PXDN: variants seen among roughly 807,000 people sequenced by gnomAD.
PXDN encodes peroxidasin.
In PXDN, 77 loss-of-function variants were observed where a neutral mutation model predicts 140.3. The observed-to-expected ratio is 0.55, with a 90% CI of 0.46 to 0.66. The LOEUF (loss-of-function observed/expected upper bound fraction) is 0.66, where lower values mean the gene tolerates loss of function less well. PXDN is among the 30% of genes least tolerant of loss of function. The pLI is 0.00. For synonymous variants in PXDN, 911 were observed against 857.4 expected (o/e 1.06, Z -1.09); for missense variants, 1,838 against 2,039.5 (o/e 0.90, Z 1.90).
At position 1,744,388 on chromosome 2, in the gene PXDN, C is replaced by T. The variant is rs571934293; in HGVS notation, c.68G>A (p.Gly23Glu). ...LLALVLFCAW[G>E]TLAVVAQKPG... is the part of the protein sequence containing the mutation. ...CTTCTGGGCCACCACGGCCAGCGTC[C>T]CCCAGGCGCAGAACAGCACGAGCGC... Residue 23 changes from glycine to glutamate, a missense_variant, in exon 1 of 23, where the codon GGG becomes GAG. Coordinates refer to ENST00000252804, the MANE Select transcript of PXDN (RefSeq NM_012293.3). 3.9e-6 allele frequency: 6 copies of T among 1,526,138 alleles called. No individual in the cohort carries two copies. Among genetic ancestry groups the T allele is most frequent in the Non-Finnish European group, 5.2e-6 (6 of 1,143,334 alleles). 94.5% of individuals were successfully genotyped at this position (1,526,138 alleles called of 1,614,324 possible).
chr2:1,720,118 G>GTAGA, intron 1 of PXDN, among the ~76,000 whole-genome samples: 1 of 51,966 alleles, frequency 1.9e-5, no homozygotes, highest in Non-Finnish European at 3.6e-5. Context: ...AGGGAGGGAT[G>GTAGA]CAGAGAGAGA....
Position 1,639,571 on chromosome 2 carries a change from C to A in PXDN, c.3953-149G>T, listed in dbSNP as rs1240680931. 3.4e-6 allele frequency: 4 copies of A among 1,168,608 alleles called. No individual in the cohort carries two copies. The highest frequency in any genetic ancestry group is 4.9e-6 in the Non-Finnish European group (4 of 822,886). The allele number at this position is 1,168,608 out of a possible 1,614,324, so 72.4% of individuals were successfully genotyped here. On this transcript the variant is annotated intron_variant, in intron 19 of 22. Transcript: ENST00000252804. The surrounding 1 kb of genome is among the most constrained non-coding windows in gnomAD (Gnocchi z 5.0). ...GTGAGGCAACCTGGCAGCTGGTCTG[C>A]GGCTCTTACCCTCTCCTGGTCTGAG...
chr2:1,741,060 T>C (rs188430496), intron 1 of PXDN, among the ~76,000 whole-genome samples: 1 of 152,084 alleles, frequency 6.6e-6, no homozygotes, highest in Non-Finnish European at 1.5e-5. Flanking sequence ...TCCATGACCA[T>C]AGCCTCAACC....
Position 1,725,746 on chromosome 2 carries a change from C to A in PXDN, c.200+18510G>T, listed in dbSNP as rs1176516703. On this transcript the variant is annotated intron_variant, in intron 1 of 22. Transcript: ENST00000252804. The stretch of plus-strand genomic sequence containing the variant: ...AAATTTACAAGAAAAAAACAAACAA[C>A]CCCATCAAAAAGTGGGCAAAGGAAA... Among the ~76,000 whole-genome samples, 4 of 152,132 alleles carry A rather than the reference C, an allele frequency of 2.6e-5. No individual in the cohort carries two copies. In the East Asian group the frequency reaches 7.7e-4, roughly 29 times the overall value.
intron 21 of PXDN, chr2:1,635,807 A>G: frequency 2.4e-6 from 1 of 423,900 alleles, no homozygotes. Context: ...CAACCAGATG[A>G]CGAGAACGTC....
At chr2:1,719,734 G>A (rs1026907349) in intron 1 of PXDN, among the ~76,000 whole-genome samples, 2 of 152,204 alleles carry the variant, frequency 1.3e-5, no homozygotes, top group Admixed American at 6.5e-5. Context: ...AACCAGCTGC[G>A]GTCCAGGAGG....
chr2:1,643,565 T>G lies in PXDN; in HGVS notation c.3755A>C (p.Glu1252Ala), dbSNP rs1380462786. 1.2e-6 allele frequency: 2 copies of G among 1,613,800 alleles called. No homozygotes were observed. The highest frequency in any genetic ancestry group is 2.2e-5 in the South Asian group (2 of 91,070). ...RLRDGDRLWYENPGVFSPAQL... is the reference protein window; with the variant it reads ...RLRDGDRLWYANPGVFSPAQL... ...GGCCGGGGAGAACACCCCAGGGTTC[T>G]CATACCACAACCTGGATCCCCCAAA... Residue 1252 changes from glutamate to alanine, a missense_variant, in exon 19 of 23, where the codon GAG becomes GCG. By Grantham distance (107) the Glu-to-Ala change is moderately radical. This residue lies in a region of PXDN where 850 missense variants were observed against 894.1 expected (regional missense o/e 0.95). Coordinates refer to ENST00000252804, the MANE Select transcript of PXDN (RefSeq NM_012293.3).
intron 10 of PXDN, among the ~76,000 whole-genome samples, 190 bp downstream of exon 10, chr2:1,666,024 C>G (rs1036406276): frequency 3.9e-5 from 6 of 152,234 alleles, no homozygotes; most frequent in African/African-American, 1.4e-4. Context: ...ACAGAGCCTT[C>G]TGTTCCAAAA....
intron 11 of PXDN, chr2:1,664,711 C>G: frequency 2.1e-6 from 1 of 478,562 alleles, no homozygotes; most frequent in Non-Finnish European, 3.7e-6. Flanking sequence ...CCCCAAGTCT[C>G]TTCCGCAATG....
rs1426006319 is a variant in PXDN, at chr2:1,649,413, C to A, written c.2367G>T (p.Gly789=). The A allele has an allele frequency of 1.2e-6, 2 of 1,613,954 alleles. No individual in the cohort carries two copies. Among genetic ancestry groups the A allele is most frequent in the South Asian group, 2.2e-5 (2 of 91,084 alleles). ...CCAGGCGCGGCATGGGAAGGGCGTG[C>A]CCGTTGTACAGTCGGTGGGGGTTGA... ...RGINPHRLYN[G]HALPMPRLVS... is the part of the protein sequence containing the mutation. The change falls in exon 17 of 23, where the codon GGG becomes GGT. Residue 789 remains glycine, a synonymous_variant. Coordinates refer to ENST00000252804, the MANE Select transcript of PXDN (RefSeq NM_012293.3). The surrounding 1 kb of genome is among the most constrained non-coding windows in gnomAD (Gnocchi z 7.1).
chr2:1,686,338 C>T (rs1684056223), intron 4 of PXDN, among the ~76,000 whole-genome samples: 1 of 152,216 alleles, frequency 6.6e-6, no homozygotes, highest in Admixed American at 6.5e-5. Flanking sequence ...CTGGCCAGCT[C>T]AAGAAGCCCT....
chr2:1,709,232 TGAG>T (rs756766894), intron 1 of PXDN, among the ~76,000 whole-genome samples: 3 of 152,122 alleles, frequency 2.0e-5, no homozygotes, highest in African/African-American at 4.8e-5. Flanking sequence ...TGCTGTTCGG[TGAG>T]GAGGAGGCCA....
chr2:1,686,987 C>A (rs1343202817), intron 4 of PXDN, among the ~76,000 whole-genome samples: 1 of 146,570 alleles, frequency 6.8e-6, no homozygotes, highest in Non-Finnish European at 1.5e-5. Flanking sequence ...GGTGACTGGC[C>A]GAGCAAACAA....
At chr2:1,720,787 G>C (rs1685031655) in intron 1 of PXDN, among the ~76,000 whole-genome samples, 1 of 151,116 alleles carries the variant, frequency 6.6e-6, no homozygotes, top group Non-Finnish European at 1.5e-5. Flanking sequence ...TTTCTCTGGA[G>C]AACCCTGACC....
intron 1 of PXDN, among the ~76,000 whole-genome samples, chr2:1,701,693 A>G (rs1356455153): frequency 6.6e-6 from 1 of 152,160 alleles, no homozygotes; most frequent in Non-Finnish European, 1.5e-5. Flanking sequence ...CTGAGCCCCC[A>G]CGGCTGCAGA....
At chr2:1,708,150 A>G (rs1195932685) in intron 1 of PXDN, among the ~76,000 whole-genome samples, 1 of 152,174 alleles carries the variant, frequency 6.6e-6, no homozygotes, top group Admixed American at 6.5e-5. Context: ...GCCTTGCTGG[A>G]GCTGAGATCG....
At chr2:1,737,365 G>C (rs982481686) in intron 1 of PXDN, among the ~76,000 whole-genome samples, 1 of 152,026 alleles carries the variant, frequency 6.6e-6, no homozygotes, top group South Asian at 2.1e-4. Context: ...TCTACGCCAG[G>C]ATAATCTAAC....
chr2:1,677,236 G>A (rs1683740792), intron 7 of PXDN, among the ~76,000 whole-genome samples, 192 bp from the exon 8 acceptor site: 1 of 152,152 alleles, frequency 6.6e-6, no homozygotes, highest in Admixed American at 6.5e-5. Context: ...GGATCTACAT[G>A]ATGTCTATGC....
chr2:1,711,013 T>TCCACCAGCACCCA (rs1572182700), intron 1 of PXDN, among the ~76,000 whole-genome samples: 5 of 37,082 alleles, frequency 1.3e-4, no homozygotes, highest in African/African-American at 1.9e-4. Flanking sequence ...CAGCACCCAC[T>TCCACCAGCACCCA]CTCCACCAGC....
Sources: gnomAD v4.1 joint callset for allele counts (sites outside exome capture counted in the v4.1 genomes callset) on GRCh38, gnomAD v4.1.1 for gene constraint, gnomAD v4.1.1 regional missense constraint, Gnocchi (gnomAD v3.1) non-coding constraint, MANE v1.5 for transcripts, NCBI Gene and HGNC (gene_info 2026-07-23, HGNC 2026-07-21) for gene names.